CABLES1: variants seen among roughly 807,000 people sequenced by gnomAD.
The protein encoded by CABLES1 is CDK5 and ABL1 enzyme substrate 1.
A neutral mutation model predicts 57.8 loss-of-function variants in CABLES1; 36 were observed. The observed-to-expected ratio is 0.62, with a 90% CI of 0.48 to 0.82. The LOEUF is 0.82. CABLES1 is among the 40% of genes least tolerant of loss of function. The pLI is 0.00. For missense variants in CABLES1, 767 were observed against 836.6 expected (o/e 0.92, Z 1.03); for synonymous variants, 374 against 363.0 (o/e 1.03, Z -0.35).
intron 1 of CABLES1, among the ~76,000 whole-genome samples, chr18:23,148,601 G>A (rs545404815): frequency 1.3e-5 from 2 of 152,350 alleles, no homozygotes; most frequent in Admixed American, 1.3e-4. Context: ...GCCCATTCCA[G>A]AAGAGGACAG....
rs551730731 is a variant in CABLES1, at chr18:23,243,610, T to G, written c.1446+6365T>G. Among the ~76,000 whole-genome samples, 6 of 152,070 alleles carry G rather than the reference T, an allele frequency of 3.9e-5. No homozygotes were observed. In the East Asian group the frequency reaches 1.2e-3, roughly 29 times the overall value. Reference sequence around the variant, plus strand: ...AACTAACACAGGCCTCGGTGGCTCATGCCTGTAATCCCAGCACTTTGGGAG... The same window carrying G: ...AACTAACACAGGCCTCGGTGGCTCAGGCCTGTAATCCCAGCACTTTGGGAG... On this transcript the variant is annotated intron_variant, in intron 7 of 9. Coordinates refer to ENST00000256925, the MANE Select transcript of CABLES1 (RefSeq NM_001100619.3).
intron 1 of CABLES1, among the ~76,000 whole-genome samples, chr18:23,144,938 C>CTT (rs760845340): frequency 1.4e-5 from 2 of 141,682 alleles, no homozygotes; most frequent in Non-Finnish European, 1.5e-5. Context: ...TTTTTTCTTT[C>CTT]TTTTTTTTTT....
chr18:23,144,942 T>C (rs544183224), intron 1 of CABLES1, among the ~76,000 whole-genome samples: 3 of 151,892 alleles, frequency 2.0e-5, no homozygotes, highest in African/African-American at 7.2e-5. Context: ...TTCTTTCTTT[T>C]TTTTTTTCTT....
chr18:23,251,666 GGGAAGGA>G (rs2048040991), intron 7 of CABLES1, among the ~76,000 whole-genome samples: 1 of 152,198 alleles, frequency 6.6e-6, no homozygotes, highest in Non-Finnish European at 1.5e-5. Context: ...TTTAGAAAGA[GGGAAGGA>G]GGGAGGAGGA....
chr18:23,153,817 G>GA (rs1405580675), intron 1 of CABLES1, among the ~76,000 whole-genome samples: 2 of 152,158 alleles, frequency 1.3e-5, no homozygotes, highest in African/African-American at 4.8e-5. Context: ...GATCACTTGA[G>GA]ACTAGGAGTT....
intron 1 of CABLES1, among the ~76,000 whole-genome samples, chr18:23,157,443 A>G (rs72874942): frequency 0.036 from 5,501 of 152,138 alleles, 153 homozygotes; most frequent in Non-Finnish European, 0.053. Flanking sequence ...CATACCCTTG[A>G]GGTGGGAAGG....
intron 7 of CABLES1, 105 bp from the exon 8 acceptor site, chr18:23,252,855 C>T (rs185106102): frequency 8.5e-5 from 60 of 702,172 alleles, no homozygotes; most frequent in African/African-American, 7.8e-4. Flanking sequence ...CAAGTTTTCC[C>T]GTTGCTCATG....
chr18:23,224,859 G>A (rs919141579), intron 4 of CABLES1, among the ~76,000 whole-genome samples: 12 of 151,886 alleles, frequency 7.9e-5, no homozygotes, highest in Non-Finnish European at 1.8e-4. Context: ...GTGAGCCACC[G>A]CACCCGGCCT....
At chr18:23,152,487 T>A (rs1212114714) in intron 1 of CABLES1, among the ~76,000 whole-genome samples, 1 of 11,076 alleles carries the variant, frequency 9.0e-5, no homozygotes, top group Non-Finnish European at 3.3e-4. Flanking sequence ...TTTGGTCTAA[T>A]TTTTTTTTTT....
intron 1 of CABLES1, among the ~76,000 whole-genome samples, chr18:23,163,860 T>C (rs779839328): frequency 6.6e-6 from 1 of 152,224 alleles, no homozygotes; most frequent in Non-Finnish European, 1.5e-5. Context: ...TGTAAATGTT[T>C]TTGTTCATTA....
rs531428951 is a variant in CABLES1, at chr18:23,182,437, G to A, written c.846-6401G>A. Among the ~76,000 whole-genome samples the A allele has an allele frequency of 2.8e-4, 42 of 152,256 alleles. No homozygotes were observed. In the East Asian group the frequency reaches 5.4e-3, roughly 20 times the overall value. On this transcript the variant is annotated intron_variant, in intron 1 of 9. Coordinates refer to ENST00000256925, the MANE Select transcript of CABLES1 (RefSeq NM_001100619.3). ...GAATGTTAGGAGAAGGTTCTCACCC[G>A]CCTTTGGCCTGCACAGAACACTGGA...
At chr18:23,148,086 T>A (rs1169744356) in intron 1 of CABLES1, among the ~76,000 whole-genome samples, 1 of 147,002 alleles carries the variant, frequency 6.8e-6, no homozygotes, top group Non-Finnish European at 1.5e-5. Context: ...GCCTCCTGGA[T>A]TCACGCCATT....
chr18:23,214,664 C>T (rs1310602376), intron 4 of CABLES1: 1 of 152,490 alleles, frequency 6.6e-6, no homozygotes, highest in African/African-American at 2.4e-5. Flanking sequence ...CGTGTTCCTT[C>T]CTCCTTGTGC....
chr18:23,221,412 G>A (rs572155659), intron 4 of CABLES1, among the ~76,000 whole-genome samples: 2 of 152,346 alleles, frequency 1.3e-5, no homozygotes, highest in African/African-American at 4.8e-5. Context: ...AGACACAGAG[G>A]CGTGGAATAG....
intron 1 of CABLES1, among the ~76,000 whole-genome samples, chr18:23,146,343 G>A (rs527616749): frequency 2.3e-4 from 35 of 151,766 alleles, no homozygotes; most frequent in African/African-American, 7.5e-4. Context: ...TTGCTCTGTC[G>A]CCCAGGCTGG....
chr18:23,209,807 A>G (rs9955280), intron 3 of CABLES1, among the ~76,000 whole-genome samples: 1,339 of 93,116 alleles, frequency 0.014, 25 homozygotes, highest in East Asian at 0.094. Context: ...GGTGAGAGAC[A>G]TTGCCAGTGC....
intron 4 of CABLES1, among the ~76,000 whole-genome samples, chr18:23,216,063 T>G (rs2047439881): frequency 6.6e-6 from 1 of 152,208 alleles, no homozygotes; most frequent in African/African-American, 2.4e-5. Flanking sequence ...CAACTACAAC[T>G]TTTAATACAT....
At chr18:23,175,417 TCTG>T (rs760060035) in intron 1 of CABLES1, among the ~76,000 whole-genome samples, 30 of 152,352 alleles carry the variant, frequency 2.0e-4, no homozygotes, top group Non-Finnish European at 4.0e-4. Flanking sequence ...TTCCTGGGCT[TCTG>T]CTGGCTTGCC....
intron 1 of CABLES1, among the ~76,000 whole-genome samples, chr18:23,151,502 T>G (rs2046930571): frequency 6.6e-6 from 1 of 152,142 alleles, no homozygotes; most frequent in Non-Finnish European, 1.5e-5. Context: ...GAGGTAGAGC[T>G]GATAGAACTT....
Sources: gnomAD v4.1 joint callset for allele counts (sites outside exome capture counted in the v4.1 genomes callset) on GRCh38, gnomAD v4.1.1 for gene constraint, MANE v1.5 for transcripts, NCBI Gene and HGNC (gene_info 2026-07-23, HGNC 2026-07-21) for gene names.